The following CDH23 variants were observed in gnomAD, a reference collection of about 807,000 sequenced individuals.
The protein encoded by CDH23 is cadherin related 23, also known as cadherin-23.
CDH23 carries 189 observed loss-of-function variants against 317.1 expected under a neutral mutation model. The ratio of observed to expected loss-of-function variants is 0.60; its 90% CI spans 0.53 to 0.67. The LOEUF (loss-of-function observed/expected upper bound fraction) is 0.67. CDH23 is among the 30% of genes least tolerant of loss of function. CDH23 has a pLI of 0.00. For missense variants in CDH23, 4,401 were observed against 4,592.4 expected (o/e 0.96, Z 1.20); for synonymous variants, 1,839 against 1,876.8 (o/e 0.98, Z 0.52).
intron 28 of CDH23, chr10:71,716,504 T>C: frequency 1.7e-6 from 1 of 577,980 alleles, no homozygotes; most frequent in Non-Finnish European, 3.0e-6. Context: ...TCCAGAGACA[T>C]CACAAGTCTA....
intron 3 of CDH23, among the ~76,000 whole-genome samples, chr10:71,500,275 T>A (rs954949191): frequency 6.6e-6 from 1 of 152,188 alleles, no homozygotes; most frequent in Non-Finnish European, 1.5e-5. Context: ...TAAATACATT[T>A]TAAAAAATAT....
At chr10:71,774,456 C>A (rs1374019480) in intron 38 of CDH23, among the ~76,000 whole-genome samples, 5 of 152,178 alleles carry the variant, frequency 3.3e-5, no homozygotes, top group Non-Finnish European at 7.4e-5. Flanking sequence ...CTGTCCACAC[C>A]CCCTTCAGCT....
chr10:71,688,859 G>GCC (rs1865036339), intron 19 of CDH23, among the ~76,000 whole-genome samples: 1 of 115,140 alleles, frequency 8.7e-6, no homozygotes. Flanking sequence ...AGTCAGGGGT[G>GCC]GTGGAGTCAG....
chr10:71,521,622 C>T (rs530421439), intron 6 of CDH23, among the ~76,000 whole-genome samples: 1 of 152,360 alleles, frequency 6.6e-6, no homozygotes, highest in Admixed American at 6.5e-5. Flanking sequence ...CTTCCTTCCT[C>T]AGAACCATCC....
intron 3 of CDH23, among the ~76,000 whole-genome samples, chr10:71,505,751 G>C (rs999473362): frequency 2.0e-5 from 3 of 152,110 alleles, no homozygotes; most frequent in African/African-American, 7.2e-5. Context: ...CCTTACCGCT[G>C]AAAAAACACC....
chr10:71,805,692 T>C, intron 55 of CDH23, 114 bp from the exon 56 acceptor site: 1 of 1,077,418 alleles, frequency 9.3e-7, no homozygotes, highest in Non-Finnish European at 1.3e-6. Flanking sequence ...GCGGGTGCTG[T>C]AAGCTGTTGA....
chr10:71,599,990 CTTTTTTTTTTTTT>C (rs1174206523), intron 9 of CDH23, among the ~76,000 whole-genome samples: 1 of 109,520 alleles, frequency 9.1e-6, no homozygotes, highest in South Asian at 3.2e-4. Context: ...AATGTCTTTC[CTTTTTTTTTTTTT>C]TTTTTTTTTT....
intron 6 of CDH23, among the ~76,000 whole-genome samples, chr10:71,523,007 C>T (rs560453356): frequency 3.0e-4 from 46 of 152,268 alleles, no homozygotes; most frequent in African/African-American, 9.6e-4. Flanking sequence ...GTCTGCCCCC[C>T]AAAGCAAGCC....
rs762820479 is a variant in CDH23 at position 71,811,421 on chromosome 10, A to T, written c.9184A>T (p.Met3062Leu). The change falls in exon 63 of 70, where the codon ATG becomes TTG. Residue 3062 changes from methionine (M) to leucine (L), a missense_variant. Around this residue, in one of 3 missense-constraint regions of CDH23, gnomAD observed 1,144 missense variants for 1,138.2 expected, o/e 1.01. Transcript: ENST00000224721. ...CATCTCTGTCCGGCTGCCGGATGAC[A>T]TGTCTGCCCTGCAGGTACCCGGCGA... Reference protein sequence around the residue: ...PAISVRLPDDMSALQMAIIVL... With the variant: ...PAISVRLPDDLSALQMAIIVL... 1.9e-6 allele frequency: 3 copies of T among 1,613,974 alleles called. No individual in the cohort carries two copies. Among genetic ancestry groups the T allele is most frequent in the Non-Finnish European group, 2.5e-6 (3 of 1,179,890 alleles).
At chr10:71,713,063 C>T (rs374039500) in intron 28 of CDH23, 1 of 742,028 alleles carries the variant, frequency 1.3e-6, no homozygotes. Context: ...AAGACTTGGC[C>T]TCCCCCTGCA....
At chr10:71,506,454 GGTATA>G (rs1395076118) in intron 3 of CDH23, among the ~76,000 whole-genome samples, 3 of 152,226 alleles carry the variant, frequency 2.0e-5, no homozygotes, top group African/African-American at 7.2e-5. Flanking sequence ...TGAGATGCAA[GGTATA>G]TTGTTTCTCA....
chr10:71,520,379 G>T (rs952504338), intron 6 of CDH23, among the ~76,000 whole-genome samples: 6 of 152,240 alleles, frequency 3.9e-5, no homozygotes, highest in Admixed American at 3.3e-4. Flanking sequence ...CCAGCACAGG[G>T]TGACCCTGGA....
At chr10:71,782,955 G>A (rs964296670) in intron 41 of CDH23, among the ~76,000 whole-genome samples, 1 of 152,188 alleles carries the variant, frequency 6.6e-6, no homozygotes, top group Non-Finnish European at 1.5e-5. Context: ...CTGGGGACAG[G>A]GAATTGTGAG....
At chr10:71,523,142 G>A (rs964952295) in intron 6 of CDH23, among the ~76,000 whole-genome samples, 6 of 152,110 alleles carry the variant, frequency 3.9e-5, no homozygotes, top group Admixed American at 1.3e-4. Flanking sequence ...GTTAGGGGAG[G>A]GATTCATCCA....
At chr10:71,643,531 G>A (rs1014997623) in intron 11 of CDH23, among the ~76,000 whole-genome samples, 11 of 151,276 alleles carry the variant, frequency 7.3e-5, no homozygotes, top group African/African-American at 2.7e-4. Flanking sequence ...GGTGAGAGTG[G>A]ACAGAGATCA....
rs763379895 is a variant in CDH23, at chr10:71,725,464, G to T, written c.3523G>T (p.Val1175Leu). ...PLDRERNSSH[V>L]LIVEAYNHDL... ...GGACCGGGAGCGGAACTCATCCCAC[G>T]TGCTGATAGTGGAGGCCTACAACCA... is the stretch of plus-strand genomic sequence containing the variant. Residue 1175 changes from valine to leucine, a missense_variant, in exon 30 of 70, where the codon GTG (valine) becomes TTG (leucine). By Grantham distance (32) the Val-to-Leu change is conservative. Transcript: ENST00000224721. The T allele has an allele frequency of 6.2e-7, 1 of 1,613,998 alleles. No individual in the cohort carries two copies. Among genetic ancestry groups the T allele is most frequent in the East Asian group, 2.2e-5 (1 of 44,888 alleles).
intron 6 of CDH23, among the ~76,000 whole-genome samples, chr10:71,552,863 G>A (rs1489279159): frequency 1.3e-5 from 2 of 152,122 alleles, no homozygotes; most frequent in African/African-American, 4.8e-5. Flanking sequence ...GTGTGTTTGG[G>A]AAGCCACCTT....
chr10:71,690,596 C>G lies in CDH23; in HGVS notation c.2176+12C>G, dbSNP rs371967419. On this transcript the variant is annotated intron_variant, in intron 20 of 69. Coordinates refer to ENST00000224721, the MANE Select transcript of CDH23 (RefSeq NM_022124.6). Reference sequence around the variant, plus strand: ...CAATGCCCGCTCAGGTGAGCCCCCCCACCCCAAGTACCCTGGTCCTCCACA... The same window carrying G: ...CAATGCCCGCTCAGGTGAGCCCCCCGACCCCAAGTACCCTGGTCCTCCACA... 4 of 1,553,770 alleles carry G rather than the reference C, an allele frequency of 2.6e-6. No individual in the cohort carries two copies. Among genetic ancestry groups the G allele is most frequent in the African/African-American group, 1.4e-5 (1 of 73,634 alleles).
At chr10:71,494,254 T>C (rs78970441) in intron 3 of CDH23, among the ~76,000 whole-genome samples, 2,088 of 152,314 alleles carry the variant, frequency 0.014, 55 homozygotes, top group African/African-American at 0.047. Flanking sequence ...GCTTGAAATT[T>C]AGTGCATGTA....
Sources: gnomAD v4.1 joint callset for allele counts (sites outside exome capture counted in the v4.1 genomes callset) on GRCh38, gnomAD v4.1.1 for gene constraint, gnomAD v4.1.1 regional missense constraint, MANE v1.5 for transcripts, NCBI Gene and HGNC (gene_info 2026-07-23, HGNC 2026-07-21) for gene names.